Variants in SUCLG2 observed in about 807,000 individuals in gnomAD.
The protein encoded by SUCLG2 is succinate--CoA ligase [GDP-forming] subunit beta, mitochondrial.
In SUCLG2, 42 loss-of-function variants were observed where a neutral mutation model predicts 47.9. That is an observed-to-expected ratio of 0.88 (90% CI 0.69 to 1.14). The LOEUF is 1.14. SUCLG2 is among the 50% of genes most tolerant of loss of function. The pLI, the probability that SUCLG2 is intolerant of heterozygous loss-of-function variation, is 0.00. For missense variants in SUCLG2, 571 were observed against 525.9 expected, an observed-to-expected ratio of 1.09 and a Z score of -0.84; for synonymous variants, 195 against 197.3, an observed-to-expected ratio of 0.99 and a Z score of 0.10.
In SUCLG2 at chr3:67,629,657, T is replaced by C. The variant is rs139052930; in HGVS notation, c.85-20061A>G. 4.7e-3 allele frequency among the ~76,000 whole-genome samples: 716 copies of C among 152,272 alleles called. 3 individuals are homozygous for C. The highest frequency in any genetic ancestry group is 0.017 in the African/African-American group (690 of 41,550). ...GCCTCTCTCCCCTACTTAGAGGTGTTGGGGTAGGGGACTGAAAACTAAAAG... is the reference window on the plus strand; with the variant it reads ...GCCTCTCTCCCCTACTTAGAGGTGTCGGGGTAGGGGACTGAAAACTAAAAG... On this transcript the variant is annotated intron_variant, in intron 1 of 10. Coordinates refer to ENST00000307227, the MANE Select transcript of SUCLG2 (RefSeq NM_003848.4).
intron 6 of SUCLG2, 131 bp from the exon 7 acceptor site, chr3:67,509,034 G>A: frequency 1.6e-6 from 1 of 631,362 alleles, no homozygotes; most frequent in Non-Finnish European, 2.7e-6. Context: ...GGGAAAAACA[G>A]AAAAGCATAA....
intron 6 of SUCLG2, among the ~76,000 whole-genome samples, chr3:67,512,056 A>G (rs1482577746): frequency 6.6e-6 from 1 of 150,970 alleles, no homozygotes; most frequent in East Asian, 1.9e-4. Context: ...GGGTCTCGCT[A>G]TGTTACCCAG....
At chr3:67,441,071 T>C (rs536070902) in intron 9 of SUCLG2, among the ~76,000 whole-genome samples, 1 of 152,320 alleles carries the variant, frequency 6.6e-6, no homozygotes, top group African/African-American at 2.4e-5. Context: ...GTTCATGTCC[T>C]CTGCAGGACA....
intron 2 of SUCLG2, among the ~76,000 whole-genome samples, chr3:67,550,149 G>A (rs1706974641): frequency 6.6e-6 from 1 of 152,132 alleles, no homozygotes; most frequent in Admixed American, 6.5e-5. Context: ...ATCTGCACTT[G>A]CCAGAATTAG....
At chr3:67,583,735 T>A (rs1707938243) in intron 2 of SUCLG2, among the ~76,000 whole-genome samples, 1 of 152,210 alleles carries the variant, frequency 6.6e-6, no homozygotes, top group Non-Finnish European at 1.5e-5. Context: ...GACTGAGGTA[T>A]CCAGTTCCTT....
At chr3:67,620,052 T>C (rs2107331978) in intron 1 of SUCLG2, among the ~76,000 whole-genome samples, 1 of 152,336 alleles carries the variant, frequency 6.6e-6, no homozygotes, top group South Asian at 2.1e-4. Context: ...TACTGGCATT[T>C]AACTCCTACC....
chr3:67,533,682 G>A (rs1706460619), intron 2 of SUCLG2, among the ~76,000 whole-genome samples: 1 of 152,136 alleles, frequency 6.6e-6, no homozygotes, highest in African/African-American at 2.4e-5. Flanking sequence ...CAAAGGAAAT[G>A]AGCTCACTTC....
At chr3:67,395,787 CTAAAGT>C (rs975204188) in intron 10 of SUCLG2, among the ~76,000 whole-genome samples, 3 of 152,030 alleles carry the variant, frequency 2.0e-5, no homozygotes, top group African/African-American at 7.2e-5. Flanking sequence ...CTCTCCTCAG[CTAAAGT>C]AAAAGAACAG....
chr3:67,613,220 C>T (rs997606519), intron 1 of SUCLG2, among the ~76,000 whole-genome samples: 1 of 152,170 alleles, frequency 6.6e-6, no homozygotes, highest in Admixed American at 6.5e-5. Flanking sequence ...AAAGTCCCAA[C>T]CCTCTAATTA....
intron 10 of SUCLG2, among the ~76,000 whole-genome samples, chr3:67,378,584 C>A (rs886173717): frequency 6.6e-6 from 1 of 152,192 alleles, no homozygotes; most frequent in Admixed American, 6.5e-5. Flanking sequence ...TACAGCTCGG[C>A]TGACACTGTG....
intron 9 of SUCLG2, among the ~76,000 whole-genome samples, chr3:67,421,427 T>C (rs1703155647): frequency 6.6e-6 from 1 of 152,210 alleles, no homozygotes; most frequent in African/African-American, 2.4e-5. Context: ...AGCAGTCAGT[T>C]GGGAGACCTG....
intron 2 of SUCLG2, among the ~76,000 whole-genome samples, chr3:67,593,666 C>G (rs1411270010): frequency 2.6e-5 from 4 of 152,200 alleles, no homozygotes; most frequent in Non-Finnish European, 1.5e-5. Context: ...CAGGACAGTC[C>G]ACAGGGTGAC....
chr3:67,458,400 A>G (rs962104027), intron 9 of SUCLG2, among the ~76,000 whole-genome samples: 3 of 152,150 alleles, frequency 2.0e-5, no homozygotes, highest in Admixed American at 2.0e-4. Context: ...GCCTCCTATA[A>G]TAAGTCGAGG....
intron 1 of SUCLG2, among the ~76,000 whole-genome samples, chr3:67,632,156 T>C: frequency 6.6e-6 from 1 of 152,054 alleles, no homozygotes; most frequent in East Asian, 1.9e-4. Context: ...AATAAGCCAG[T>C]TCAAGCACAA....
chr3:67,467,868 G>A (rs1023905663), intron 9 of SUCLG2, among the ~76,000 whole-genome samples: 1 of 152,132 alleles, frequency 6.6e-6, no homozygotes, highest in Middle Eastern at 3.4e-3. Flanking sequence ...GAAACAGAGC[G>A]GGAATTCCAA....
intron 10 of SUCLG2, among the ~76,000 whole-genome samples, chr3:67,388,496 G>C (rs956810432): frequency 6.6e-6 from 1 of 152,168 alleles, no homozygotes; most frequent in Non-Finnish European, 1.5e-5. Context: ...CAGACCCATA[G>C]CAAGACAAGA....
At chr3:67,391,721 T>G (rs1350068821) in intron 10 of SUCLG2, among the ~76,000 whole-genome samples, 1 of 152,058 alleles carries the variant, frequency 6.6e-6, no homozygotes. Context: ...AGCTGAGTGG[T>G]GGAATTGTTC....
intron 1 of SUCLG2, among the ~76,000 whole-genome samples, chr3:67,611,710 A>T (rs988462375): frequency 6.6e-6 from 1 of 152,224 alleles, no homozygotes; most frequent in Non-Finnish European, 1.5e-5. Context: ...AACAGCCACA[A>T]TGTGGTTGTG....
chr3:67,379,206 C>T (rs934495468), intron 10 of SUCLG2, among the ~76,000 whole-genome samples: 2 of 152,170 alleles, frequency 1.3e-5, no homozygotes, highest in East Asian at 3.9e-4. Context: ...CTCGGCCTCC[C>T]AAAGTCTGGG....
Sources: gnomAD v4.1 joint callset for allele counts (sites outside exome capture counted in the v4.1 genomes callset) on GRCh38, gnomAD v4.1.1 for gene constraint, MANE v1.5 for transcripts, NCBI Gene and HGNC (gene_info 2026-07-23, HGNC 2026-07-21) for gene names.